IGF2BP2: variants seen among roughly 807,000 people sequenced by gnomAD.
The protein encoded by IGF2BP2 is insulin-like growth factor 2 mRNA-binding protein 2.
Under a neutral mutation model 75.8 loss-of-function variants are expected in IGF2BP2, and 17 were observed. That is an observed-to-expected ratio of 0.22 (90% confidence interval 0.15 to 0.34). The LOEUF is 0.34. IGF2BP2 is among the 10% of genes least tolerant of loss of function. IGF2BP2 has a pLI of 1.00. For synonymous variants in IGF2BP2, 288 were observed against 295.6 expected (o/e 0.97, Z 0.26); for missense variants, 516 against 772.4 (o/e 0.67, Z 3.93).
chr3:185,678,289 G>T (rs545666335), intron 7 of IGF2BP2, among the ~76,000 whole-genome samples: 2 of 152,352 alleles, frequency 1.3e-5, no homozygotes, highest in African/African-American at 4.8e-5. Flanking sequence ...CCAGAAGGGA[G>T]TGGGATGATA....
intron 2 of IGF2BP2, among the ~76,000 whole-genome samples, chr3:185,803,770 G>A (rs1560496256): frequency 6.6e-6 from 1 of 152,120 alleles, no homozygotes; most frequent in African/African-American, 2.4e-5. Context: ...GGGGGGTAGG[G>A]GTACTCATTC....
chr3:185,810,803 AAAAC>A (rs574493993), intron 2 of IGF2BP2, among the ~76,000 whole-genome samples: 132 of 152,132 alleles, frequency 8.7e-4, no homozygotes, highest in South Asian at 1.7e-3. Context: ...CAAAAACTAA[AAAAC>A]AAACAAAAAA....
intron 2 of IGF2BP2, among the ~76,000 whole-genome samples, chr3:185,723,696 T>C (rs1245706244): frequency 6.6e-6 from 1 of 152,188 alleles, no homozygotes; most frequent in Non-Finnish European, 1.5e-5. Flanking sequence ...TCTTCCTTAC[T>C]GGAGCTCCCA....
In IGF2BP2 at chr3:185,811,813, G is replaced by A. The variant is rs534512000; in HGVS notation, c.239+11340C>T. 8.5e-4 allele frequency among the ~76,000 whole-genome samples: 126 copies of A among 147,994 alleles called. 1 individual carries two copies. Among genetic ancestry groups the A allele is most frequent in the Middle Eastern group, 7.2e-3 (2 of 276 alleles). ...AGTGATGGAGCACATGGCAGGGGAC[G>A]GTGCTCAGAGTAGGGTGTCTCTCTC... is the stretch of plus-strand genomic sequence containing the variant. On this transcript the variant is annotated intron_variant, in intron 2 of 15. Transcript: ENST00000382199.
In IGF2BP2 at chr3:185,689,366, C is replaced by A. The variant is rs891997726; in HGVS notation, c.666G>T (p.Gln222His). ...CCACAGGCACGTACCGGGACTGGGT[C>A]TGCTTAGTGATGTTCTTTATGGTCA... Reference protein sequence around the residue: ...EGLTIKNITKQTQSRVDIHRK... With the variant: ...EGLTIKNITKHTQSRVDIHRK... Residue 222 changes from glutamine (Q) to histidine (H), a missense_variant, in exon 6 of 16, where the codon CAG becomes CAT. Gln to His is a conservative substitution (Grantham distance 24). Around this residue, in one of 3 missense-constraint regions of IGF2BP2, gnomAD observed 312 missense variants for 474.5 expected, o/e 0.66. Coordinates refer to ENST00000382199, the MANE Select transcript of IGF2BP2 (RefSeq NM_006548.6). The A allele has an allele frequency of 6.2e-7, 1 of 1,613,280 alleles. No individual in the cohort carries two copies. Among genetic ancestry groups the A allele is most frequent in the African/African-American group, 1.3e-5 (1 of 75,026 alleles).
intron 2 of IGF2BP2, among the ~76,000 whole-genome samples, chr3:185,756,586 A>C (rs1325265239): frequency 6.6e-6 from 1 of 152,100 alleles, no homozygotes; most frequent in Non-Finnish European, 1.5e-5. Flanking sequence ...CCCAACACCT[A>C]AACATATCTA....
intron 2 of IGF2BP2, among the ~76,000 whole-genome samples, chr3:185,739,666 C>T (rs1465204664): frequency 1.3e-5 from 2 of 152,060 alleles, no homozygotes; most frequent in East Asian, 1.9e-4. Context: ...TACCCAGACA[C>T]GCGAAGCTTC....
rs1722089680 is a variant in IGF2BP2, at chr3:185,692,602, T to C, written c.404+97A>G. The C allele has an allele frequency of 4.5e-6, 5 of 1,107,788 alleles. No individual in the cohort carries two copies. In the Admixed American group the frequency reaches 7.9e-5, roughly 17 times the overall value. The allele number at this position is 1,107,788 out of a possible 1,614,324, so 68.6% of individuals were successfully genotyped here. The stretch of plus-strand genomic sequence containing the variant: ...GTGGCACATATCCAGCTCAAAGATC[T>C]GCATCTTTTTAGAAAACATTTAAAA... On this transcript the variant is annotated intron_variant, in intron 5 of 15. Transcript: ENST00000382199.
At chr3:185,795,617 C>T (rs1243310053) in intron 2 of IGF2BP2, among the ~76,000 whole-genome samples, 1 of 152,126 alleles carries the variant, frequency 6.6e-6, no homozygotes, top group Non-Finnish European at 1.5e-5. Context: ...AGCAGTGGGT[C>T]AGTCTGTAAT....
chr3:185,795,430 C>T (rs1262062993), intron 2 of IGF2BP2, among the ~76,000 whole-genome samples: 3 of 152,242 alleles, frequency 2.0e-5, no homozygotes, highest in Non-Finnish European at 2.9e-5. Context: ...ACTGCTTTAA[C>T]ATGGGTGTAC....
chr3:185,731,246 C>CTTTTTTTTTTTTTTTTTTTT (rs760172663), intron 2 of IGF2BP2, among the ~76,000 whole-genome samples: 1 of 129,254 alleles, frequency 7.7e-6, no homozygotes, highest in African/African-American at 2.9e-5. Context: ...GCATCACTTT[C>CTTTTTTTTTTTTTTTTTTTT]TTTTTTTTTT....
chr3:185,718,418 T>C (rs546564196), intron 2 of IGF2BP2, among the ~76,000 whole-genome samples: 2 of 152,130 alleles, frequency 1.3e-5, no homozygotes, highest in African/African-American at 4.8e-5. Context: ...TCGGGGGCGG[T>C]GGCTCGCGCC....
chr3:185,667,103 A>G (rs1307034647), intron 10 of IGF2BP2, among the ~76,000 whole-genome samples: 1 of 152,222 alleles, frequency 6.6e-6, no homozygotes. Context: ...TGATTTAGTG[A>G]ATGAGATTCT....
chr3:185,795,336 T>G lies in IGF2BP2; in HGVS notation c.239+27817A>C, dbSNP rs577342354. ...TCCCTTAAGGCTGAAAATATTCCACTGTATGTCCATACCACATTTGTTTCT... is the reference window on the plus strand; with the variant it reads ...TCCCTTAAGGCTGAAAATATTCCACGGTATGTCCATACCACATTTGTTTCT... On this transcript the variant is annotated intron_variant, in intron 2 of 15. Transcript: ENST00000382199. Among the ~76,000 whole-genome samples the G allele has an allele frequency of 3.9e-5, 6 of 152,366 alleles. No individual in the cohort carries two copies. The East Asian group carries it at 9.6e-4, about 24-fold the overall frequency.
intron 2 of IGF2BP2, among the ~76,000 whole-genome samples, chr3:185,779,769 C>T (rs1734971493): frequency 6.6e-6 from 1 of 151,988 alleles, no homozygotes; most frequent in Non-Finnish European, 1.5e-5. Flanking sequence ...TCTCCTATTG[C>T]CATTCTGAAA....
At chr3:185,709,105 T>C (rs975179804) in intron 2 of IGF2BP2, among the ~76,000 whole-genome samples, 3 of 152,192 alleles carry the variant, frequency 2.0e-5, no homozygotes, top group African/African-American at 7.2e-5. Context: ...TGAGCTCAGA[T>C]AAATAACATG....
intron 6 of IGF2BP2, chr3:185,688,969 T>G (rs1721530762): frequency 5.6e-6 from 1 of 179,770 alleles, no homozygotes; most frequent in South Asian, 1.4e-4. Context: ...CTACCTATGT[T>G]GTCACAAGAA....
intron 2 of IGF2BP2, among the ~76,000 whole-genome samples, chr3:185,788,533 AGTT>A (rs2149841864): frequency 6.6e-6 from 1 of 152,188 alleles, no homozygotes; most frequent in East Asian, 1.9e-4. Flanking sequence ...ATAATAATAA[AGTT>A]GTATGTTTCA....
At chr3:185,794,722 T>C (rs1244166606) in intron 2 of IGF2BP2, among the ~76,000 whole-genome samples, 3 of 151,794 alleles carry the variant, frequency 2.0e-5, no homozygotes, top group Non-Finnish European at 2.9e-5. Flanking sequence ...TGGTGGTAAG[T>C]ACATTCATGC....
Sources: allele counts gnomAD v4.1 joint callset (sites outside exome capture counted in the v4.1 genomes callset), GRCh38; gene constraint gnomAD v4.1.1; regional missense constraint gnomAD v4.1.1; transcripts MANE v1.5; gene names NCBI Gene and HGNC (gene_info 2026-07-23, HGNC 2026-07-21).